TTPAL: variants seen among roughly 807,000 people sequenced by gnomAD.
TTPAL encodes alpha-tocopherol transfer protein-like.
Under a neutral mutation model 28.7 loss-of-function variants are expected in TTPAL, and 21 were observed. The ratio of observed to expected loss-of-function variants is 0.73; its 90% CI spans 0.52 to 1.06. The LOEUF (loss-of-function observed/expected upper bound fraction) is 1.06. TTPAL is among the 50% of genes least tolerant of loss of function. The probability of loss-of-function intolerance (pLI) is 0.00; values close to 1 mark genes in which losing one functional copy is unlikely to be tolerated. For missense variants in TTPAL, 345 were observed against 425.5 expected (o/e 0.81, Z 1.67); for synonymous variants, 169 against 171.9 (o/e 0.98, Z 0.13).
Position 44,480,380 on chromosome 20 carries a change from C to T in TTPAL, c.381C>T (p.Ser127=), listed in dbSNP as rs2064092707. Residue 127 remains serine (S), a synonymous_variant, in exon 2 of 5, where the codon TCC becomes TCT. Transcript: ENST00000262605. This position sits in a 1 kb window ranked among gnomAD's most constrained non-coding sequence, Gnocchi z 4.1. ...KPSALKDVLA[S]GFLTVLPHTD... ...CAGCCTTAAAAGATGTCCTTGCTTC[C>T]GGGTTCCTCACCGTGCTGCCCCACA... is the stretch of plus-strand genomic sequence containing the variant. The T allele has an allele frequency of 1.9e-6, 3 of 1,613,872 alleles. No homozygotes were observed. The highest frequency in any genetic ancestry group is 2.5e-6 in the Non-Finnish European group (3 of 1,179,936).
chr20:44,489,763 A>C lies in TTPAL; in HGVS notation c.*222A>C. On this transcript the variant is annotated 3_prime_UTR_variant, in exon 5 of 5. Transcript: ENST00000262605. ...AAAATGTCCCCACTGATTCTTAAACATTTGGAATCCCAGTCTGCAACTATT... is the reference window on the plus strand; with the variant it reads ...AAAATGTCCCCACTGATTCTTAAACCTTTGGAATCCCAGTCTGCAACTATT... 1 of 539,494 alleles carries C rather than the reference A, an allele frequency of 1.9e-6. No individual in the cohort carries two copies. The highest frequency in any genetic ancestry group is 3.2e-6 in the Non-Finnish European group (1 of 308,390). The allele number at this position is 539,494 out of a possible 1,614,324, so 33.4% of individuals were successfully genotyped here. A position where few individuals can be genotyped will look rare whatever the true frequency, so the allele number is the denominator to read the frequency against.
chr20:44,476,172 C>CG (rs1448253885), intron 1 of TTPAL, among the ~76,000 whole-genome samples, 181 bp downstream of exon 1: 2 of 152,122 alleles, frequency 1.3e-5, no homozygotes, highest in African/African-American at 4.8e-5. Context: ...TATGGGGTCT[C>CG]GGGGGCTCTA....
chr20:44,494,080 T>C lies in TTPAL; in HGVS notation c.*4539T>C, dbSNP rs2064232151. ...CTTCTGCTCTCCTGACTTAGAGAAA[T>C]GGTTTGCTTAAAATGCTAGTAACAA... is the stretch of plus-strand genomic sequence containing the variant. On this transcript the variant is annotated 3_prime_UTR_variant, in exon 5 of 5. Transcript: ENST00000262605. The C allele has an allele frequency of 6.6e-6, 1 of 151,014 alleles. No homozygotes were observed. The highest frequency in any genetic ancestry group is 2.5e-5 in the African/African-American group (1 of 40,454). 9.4% of individuals were successfully genotyped at this position (151,014 alleles called of 1,614,324 possible).
At chr20:44,486,558 C>G (rs781581782) in intron 3 of TTPAL, 38 bp from the exon 4 acceptor site, 1 of 1,257,502 alleles carries the variant, frequency 8.0e-7, no homozygotes, top group Admixed American at 1.9e-5. Context: ...TGGAAAGATT[C>G]TCCAGATGTT....
chr20:44,480,143 G>A lies in TTPAL; in HGVS notation c.144G>A (p.Gln48=). Residue 48 remains glutamine, a synonymous_variant, in exon 2 of 5, where the codon CAG becomes CAA. Coordinates refer to ENST00000262605, the MANE Select transcript of TTPAL (RefSeq NM_001039199.3). The surrounding 1 kb of genome is among the most constrained non-coding windows in gnomAD (Gnocchi z 4.1). ...DLVTKAREEL[Q]EKPEWRLRDV... is the part of the protein sequence containing the mutation. The stretch of plus-strand genomic sequence containing the variant: ...TCACCAAAGCCCGGGAAGAGCTGCA[G>A]GAAAAGCCGGAATGGAGACTTCGAG... 2.5e-6 allele frequency: 4 copies of A among 1,614,148 alleles called. No homozygotes were observed. The highest frequency in any genetic ancestry group is 3.4e-6 in the Non-Finnish European group (4 of 1,180,024).
chr20:44,486,552 A>G (rs752046644), intron 3 of TTPAL, 44 bp from the exon 4 acceptor site: 3 of 1,206,124 alleles, frequency 2.5e-6, no homozygotes, highest in Non-Finnish European at 3.6e-6. Context: ...AAGGTGTGGA[A>G]AGATTCTCCA....
chr20:44,487,079 G>C (rs557339597), intron 4 of TTPAL, among the ~76,000 whole-genome samples: 5 of 152,010 alleles, frequency 3.3e-5, no homozygotes, highest in African/African-American at 4.8e-5. Flanking sequence ...TCAGGAGTTC[G>C]AGACCAGCCT....
chr20:44,478,909 C>A (rs1314912965), intron 1 of TTPAL, among the ~76,000 whole-genome samples: 1 of 152,148 alleles, frequency 6.6e-6, no homozygotes, highest in African/African-American at 2.4e-5. Flanking sequence ...CCTGCCTCAG[C>A]CTCCCTAGTA....
intron 4 of TTPAL, 72 bp downstream of exon 4, chr20:44,486,778 T>C: frequency 1.2e-6 from 1 of 853,864 alleles, no homozygotes; most frequent in South Asian, 1.7e-5. Flanking sequence ...CTGGTACTTG[T>C]TTATTATTTT....
intron 2 of TTPAL, among the ~76,000 whole-genome samples, chr20:44,481,870 G>T (rs1424351883): frequency 6.6e-6 from 1 of 152,152 alleles, no homozygotes; most frequent in Admixed American, 6.5e-5. Flanking sequence ...AGATTTTAGG[G>T]CGCCAGGAGA....
rs2064049932 is a variant in TTPAL, at chr20:44,477,003, G to A, written c.-16+1012G>A. ...AGGGAGTTTGGGAAGGATTCACTGA[G>A]GTGGTGACATGGCAGCTGAGCCTGA... On this transcript the variant is annotated intron_variant, in intron 1 of 4. Coordinates refer to ENST00000262605, the MANE Select transcript of TTPAL (RefSeq NM_001039199.3). 2.0e-5 allele frequency among the ~76,000 whole-genome samples: 3 copies of A among 152,374 alleles called. No individual in the cohort carries two copies. The South Asian group carries it at 6.2e-4, about 32-fold the overall frequency.
chr20:44,484,483 T>C lies in TTPAL; in HGVS notation c.592T>C (p.Ser198Pro), dbSNP rs574587949. 1 of 1,591,774 alleles carries C rather than the reference T, an allele frequency of 6.3e-7. No homozygotes were observed. The highest frequency in any genetic ancestry group is 1.7e-5 in the Admixed American group (1 of 59,790). ...CAAAGGAGTGAGTTTATCAAAAGCA[T>C]CTCACTTTGGCCCTTTTATAGCCAA... The part of the protein sequence containing the change: ...DYKGVSLSKA[S>P]HFGPFIAKKV... Residue 198 changes from serine to proline, a missense_variant, in exon 3 of 5, where the codon TCT becomes CCT. Ser to Pro is a moderately conservative substitution (Grantham distance 74). Coordinates refer to ENST00000262605, the MANE Select transcript of TTPAL (RefSeq NM_001039199.3).
In TTPAL at chr20:44,493,489, A is replaced by G. The variant is rs993440423; in HGVS notation, c.*3948A>G. 4 of 152,316 alleles carry G rather than the reference A, an allele frequency of 2.6e-5. No homozygotes were observed. The highest frequency in any genetic ancestry group is 7.2e-5 in the African/African-American group (3 of 41,432). 9.4% of individuals were successfully genotyped at this position (152,316 alleles called of 1,614,324 possible). On this transcript the variant is annotated 3_prime_UTR_variant, in exon 5 of 5. Coordinates refer to ENST00000262605, the MANE Select transcript of TTPAL (RefSeq NM_001039199.3). ...AAGCTAGAGTATTGCTGTGGCGATT[A>G]TAATACTTTTAAAAAGTTTTACCAT...
chr20:44,486,903 TAG>T lies in TTPAL; in HGVS notation c.750+204_750+205del, dbSNP rs1321865875. 3.9e-5 allele frequency among the ~76,000 whole-genome samples: 6 copies of T among 152,202 alleles called. No individual in the cohort carries two copies. In the East Asian group the frequency reaches 7.7e-4, roughly 20 times the overall value. On this transcript the variant is annotated intron_variant, in intron 4 of 4. Transcript: ENST00000262605. ...TGAACAAGAATTTAATATTTGCCAG[TAG>T]AGAGAGCAGAACCAGGATTTTTATC...
rs2064181288 is a variant in TTPAL, at chr20:44,489,300, C to T, written c.788C>T (p.Thr263Ile). 1 of 1,614,048 alleles carries T rather than the reference C, an allele frequency of 6.2e-7. No individual in the cohort carries two copies. Among genetic ancestry groups the T allele is most frequent in the Non-Finnish European group, 8.5e-7 (1 of 1,180,030 alleles). Residue 263 changes from threonine to isoleucine, a missense_variant, in exon 5 of 5, where the codon ACA (threonine) becomes ATA (isoleucine). By Grantham distance (89) the Thr-to-Ile change is moderately conservative (BLOSUM62 -1). Transcript: ENST00000262605. ...LHGSDLNSLH[T>I]NLPRSILPKE... ...GGGTCTGACTTGAACTCTCTCCACACAAACCTTCCAAGAAGCATCCTCCCC... is the reference window on the plus strand; with the variant it reads ...GGGTCTGACTTGAACTCTCTCCACATAAACCTTCCAAGAAGCATCCTCCCC...
chr20:44,485,520 G>A (rs1261121428), intron 3 of TTPAL, among the ~76,000 whole-genome samples: 4 of 152,158 alleles, frequency 2.6e-5, no homozygotes, highest in South Asian at 4.1e-4. Context: ...TGTAAACTAT[G>A]GGGCACCGGT....
chr20:44,476,924 T>C lies in TTPAL; in HGVS notation c.-16+933T>C, dbSNP rs565620548. Among the ~76,000 whole-genome samples, 16 of 152,260 alleles carry C rather than the reference T, an allele frequency of 1.1e-4. No homozygotes were observed. In the South Asian group the frequency reaches 3.3e-3, roughly 32 times the overall value. ...ATGCCCATAGCATTGGACTGTAATT[T>C]CTAAAAAAGAAATAGGAACCCAGTT... On this transcript the variant is annotated intron_variant, in intron 1 of 4. Coordinates refer to ENST00000262605, the MANE Select transcript of TTPAL (RefSeq NM_001039199.3).
chr20:44,479,398 T>TG lies in TTPAL; in HGVS notation c.-15-586dup, dbSNP rs1491102011. ...TATTTTTGCCAATCTGAATCTGAGT[T>TG]GTTTTTTTTTTTTTTTTTTTTTTTT... On this transcript the variant is annotated intron_variant, in intron 1 of 4. Coordinates refer to ENST00000262605, the MANE Select transcript of TTPAL (RefSeq NM_001039199.3). Among the ~76,000 whole-genome samples, 54 of 131,424 alleles carry TG rather than the reference T, an allele frequency of 4.1e-4. 1 individual carries two copies. In the East Asian group the frequency reaches 8.8e-3, roughly 22 times the overall value. The allele number at this position is 131,424 out of a possible 152,430, so 86.2% of individuals were successfully genotyped here. A position where few individuals can be genotyped will look rare whatever the true frequency, so the allele number is the denominator to read the frequency against.
At position 44,490,126 on chromosome 20, in the gene TTPAL, A is replaced by C. The variant is rs567089391; in HGVS notation, c.*585A>C. ...AACTGAATCATGTAAGCATCAGGACATAAGCAGCACTTTGTGGTCAAATGT... is the reference window on the plus strand; with the variant it reads ...AACTGAATCATGTAAGCATCAGGACCTAAGCAGCACTTTGTGGTCAAATGT... On this transcript the variant is annotated 3_prime_UTR_variant, in exon 5 of 5. Coordinates refer to ENST00000262605, the MANE Select transcript of TTPAL (RefSeq NM_001039199.3). The C allele has an allele frequency of 6.5e-6, 1 of 154,728 alleles. No homozygotes were observed. Among genetic ancestry groups the C allele is most frequent in the East Asian group, 1.9e-4 (1 of 5,356 alleles). 9.6% of individuals were successfully genotyped at this position (154,728 alleles called of 1,614,324 possible).
Sources: allele counts gnomAD v4.1 joint callset (sites outside exome capture counted in the v4.1 genomes callset), GRCh38; gene constraint gnomAD v4.1.1; non-coding constraint Gnocchi (gnomAD v3.1); transcripts MANE v1.5; gene names NCBI Gene and HGNC (gene_info 2026-07-23, HGNC 2026-07-21).